CDKAL1: variants seen among roughly 807,000 people sequenced by gnomAD.
CDKAL1 encodes the protein threonylcarbamoyladenosine tRNA methylthiotransferase.
A neutral mutation model predicts 68.2 loss-of-function variants in CDKAL1; 32 were observed. The observed-to-expected ratio is 0.47, with a 90% CI of 0.35 to 0.63. The LOEUF (loss-of-function observed/expected upper bound fraction) is 0.63. Among genes scored for constraint, CDKAL1 ranks in the 30% least tolerant of loss-of-function variants. CDKAL1 has a pLI of 0.00. For missense variants in CDKAL1, 606 were observed against 696.7 expected (o/e 0.87, Z 1.47); for synonymous variants, 234 against 244.3 (o/e 0.96, Z 0.39).
At chr6:21,148,309 G>A (rs1283530453) in intron 13 of CDKAL1, among the ~76,000 whole-genome samples, 1 of 152,176 alleles carries the variant, frequency 6.6e-6, no homozygotes, top group Non-Finnish European at 1.5e-5. Flanking sequence ...ACTTAGAACT[G>A]TGAATTTGGG....
chr6:20,578,954 G>C (rs1026119171), intron 4 of CDKAL1, among the ~76,000 whole-genome samples: 55 of 152,148 alleles, frequency 3.6e-4, no homozygotes, highest in African/African-American at 1.3e-3. Flanking sequence ...AAGTGCAGTA[G>C]CTAGTTTAGA....
intron 11 of CDKAL1, among the ~76,000 whole-genome samples, chr6:21,055,779 C>T (rs1164409630): frequency 1.3e-5 from 2 of 152,090 alleles, no homozygotes; most frequent in Non-Finnish European, 2.9e-5. Context: ...CATTGATGGG[C>T]ATTTGGGTTG....
intron 9 of CDKAL1, among the ~76,000 whole-genome samples, chr6:20,952,601 A>G (rs1197426612): frequency 6.6e-6 from 1 of 152,266 alleles, no homozygotes; most frequent in Non-Finnish European, 1.5e-5. Context: ...TGAGAACTGA[A>G]CGTGCAAAGA....
intron 15 of CDKAL1, among the ~76,000 whole-genome samples, chr6:21,215,392 A>G (rs1015506349): frequency 6.6e-6 from 1 of 152,224 alleles, no homozygotes; most frequent in African/African-American, 2.4e-5. Context: ...TTATGTGACA[A>G]GAAGATACAG....
At chr6:20,918,497 T>G (rs1762813793) in intron 9 of CDKAL1, among the ~76,000 whole-genome samples, 1 of 152,210 alleles carries the variant, frequency 6.6e-6, no homozygotes, top group African/African-American at 2.4e-5. Context: ...AGTAAACAAG[T>G]CTGCCTGCTT....
At position 21,005,317 on chromosome 6, in the gene CDKAL1, G is replaced by A. The variant is rs534565378; in HGVS notation, c.1055+4945G>A. On this transcript the variant is annotated intron_variant, in intron 11 of 15. Coordinates refer to ENST00000274695, the MANE Select transcript of CDKAL1 (RefSeq NM_017774.3). The stretch of plus-strand genomic sequence containing the variant: ...ATATATTCAAAAAATGACAACATGC[G>A]CAGTTCTTAAGCATATGTTTTAATG... Among the ~76,000 whole-genome samples, 17 of 152,204 alleles carry A rather than the reference G, an allele frequency of 1.1e-4. No individual in the cohort carries two copies. In the East Asian group the frequency reaches 2.1e-3, roughly 19 times the overall value.
intron 5 of CDKAL1, among the ~76,000 whole-genome samples, chr6:20,670,124 A>G (rs540039658): frequency 6.6e-6 from 1 of 152,320 alleles, no homozygotes; most frequent in Non-Finnish European, 1.5e-5. Flanking sequence ...TTATTTGTTC[A>G]ATCCTATTAA....
In CDKAL1 at chr6:20,869,628, G is replaced by C. The variant is rs1187277180; in HGVS notation, c.742+23450G>C. Reference sequence around the variant, plus strand: ...GGCTAAAAACAAAAAAATAGTATTTGAGGTTATATATTGTGTAAGGAAGTA... The same window carrying C: ...GGCTAAAAACAAAAAAATAGTATTTCAGGTTATATATTGTGTAAGGAAGTA... On this transcript the variant is annotated intron_variant, in intron 9 of 15. Coordinates refer to ENST00000274695, the MANE Select transcript of CDKAL1 (RefSeq NM_017774.3). Among the ~76,000 whole-genome samples the C allele has an allele frequency of 2.0e-5, 3 of 152,148 alleles. No individual in the cohort carries two copies. The East Asian group carries it at 5.8e-4, about 29-fold the overall frequency.
At chr6:20,895,460 G>A (rs1761631367) in intron 9 of CDKAL1, among the ~76,000 whole-genome samples, 1 of 152,150 alleles carries the variant, frequency 6.6e-6, no homozygotes. Context: ...AGTAGTGTAT[G>A]TTTCCATTTC....
chr6:20,980,033 A>C (rs1987577788), intron 10 of CDKAL1, among the ~76,000 whole-genome samples: 1 of 151,944 alleles, frequency 6.6e-6, no homozygotes, highest in African/African-American at 2.4e-5. Context: ...GAGCCTCCAA[A>C]GTGCTCGGAT....
intron 8 of CDKAL1, among the ~76,000 whole-genome samples, chr6:20,843,182 GTTTAATAGT>G (rs1778242938): frequency 6.6e-6 from 1 of 151,958 alleles, no homozygotes; most frequent in African/African-American, 2.4e-5. Flanking sequence ...TCACAGAATT[GTTTAATAGT>G]CACATTAACC....
intron 7 of CDKAL1, among the ~76,000 whole-genome samples, chr6:20,776,863 C>T (rs1049217967): frequency 2.0e-5 from 3 of 152,162 alleles, no homozygotes; most frequent in African/African-American, 4.8e-5. Flanking sequence ...CTCCTCTATT[C>T]GGTGAGTAAG....
intron 13 of CDKAL1, among the ~76,000 whole-genome samples, chr6:21,190,156 G>A (rs778892578): frequency 6.6e-6 from 1 of 152,024 alleles, no homozygotes; most frequent in Non-Finnish European, 1.5e-5. Context: ...AATTTGACTG[G>A]AGCTAAAGAA....
At chr6:21,193,603 C>G (rs1044137991) in intron 13 of CDKAL1, among the ~76,000 whole-genome samples, 1 of 152,178 alleles carries the variant, frequency 6.6e-6, no homozygotes, top group African/African-American at 2.4e-5. Flanking sequence ...TAATCTCACT[C>G]AGACCCTGTG....
intron 11 of CDKAL1, among the ~76,000 whole-genome samples, chr6:21,015,091 GTGT>G (rs1768251386): frequency 6.6e-6 from 1 of 152,136 alleles, no homozygotes; most frequent in African/African-American, 2.4e-5. Context: ...ACAATCCCAG[GTGT>G]CTAGTACAGG....
Position 21,065,100 on chromosome 6 carries a change from A to G in CDKAL1, c.1108A>G (p.Thr370Ala), listed in dbSNP as rs768795971. The change falls in exon 12 of 16, where the codon ACA (threonine) becomes GCA (alanine). Residue 370 changes from threonine to alanine, a missense_variant. Coordinates refer to ENST00000274695, the MANE Select transcript of CDKAL1 (RefSeq NM_017774.3). ...TDIICGFPGE[T>A]DQDFQETVKL... ...TATTATCTGTGGTTTTCCTGGAGAA[A>G]CAGATCAGGATTTTCAAGAAACAGT... 2 of 1,604,646 alleles carry G rather than the reference A, an allele frequency of 1.2e-6. No individual in the cohort carries two copies. The highest frequency in any genetic ancestry group is 2.3e-5 in the South Asian group (2 of 87,564).
intron 9 of CDKAL1, among the ~76,000 whole-genome samples, chr6:20,847,857 A>G (rs1029110003): frequency 1.3e-5 from 2 of 152,232 alleles, no homozygotes; most frequent in African/African-American, 4.8e-5. Context: ...ATTAAGCAAC[A>G]AAAGCAGAGA....
At chr6:20,570,365 G>A (rs969474423) in intron 4 of CDKAL1, among the ~76,000 whole-genome samples, 2 of 151,922 alleles carry the variant, frequency 1.3e-5, no homozygotes, top group African/African-American at 4.8e-5. Context: ...GCCTCCCAAA[G>A]TGCTGGGATT....
In CDKAL1 at chr6:21,157,297, T is replaced by C. The variant is rs114618115; in HGVS notation, c.1300-40724T>C. 2.6e-3 allele frequency among the ~76,000 whole-genome samples: 395 copies of C among 152,320 alleles called. 2 individuals are homozygous for C. The highest frequency in any genetic ancestry group is 8.9e-3 in the African/African-American group (368 of 41,572). On this transcript the variant is annotated intron_variant, in intron 13 of 15. Transcript: ENST00000274695. ...ATGGGCAGCCAGTAAATGTTACTTA[T>C]TGTTCTCAAGATTGTCTTTTCTCAG...
Sources: gnomAD v4.1 joint callset for allele counts (sites outside exome capture counted in the v4.1 genomes callset) on GRCh38, gnomAD v4.1.1 for gene constraint, MANE v1.5 for transcripts, NCBI Gene and HGNC (gene_info 2026-07-23, HGNC 2026-07-21) for gene names.